The following SH3D21 variants were observed in gnomAD, a reference collection of about 807,000 sequenced individuals.
SH3D21 encodes the protein SH3 domain-containing protein 21.
SH3D21 carries 83 observed loss-of-function variants against 82.1 expected under a neutral mutation model. That is an observed-to-expected ratio of 1.01 (90% CI 0.85 to 1.21). SH3D21 has a LOEUF of 1.21. Ranked by LOEUF, SH3D21 falls within the 50% of genes most tolerant of loss-of-function variation. The pLI is 0.00. For synonymous variants in SH3D21, 383 were observed against 387.8 expected, an observed-to-expected ratio of 0.99 and a Z score of 0.15; for missense variants, 980 against 962.1, an observed-to-expected ratio of 1.02 and a Z score of -0.25.
In SH3D21 at chr1:36,321,329, G is replaced by A; in HGVS notation, c.*202G>A. ...CCTCCCAGGCACATCTGGCCAACAT[G>A]TGGCTCCCATTACCGTTCCCAAGGC... On this transcript the variant is annotated 3_prime_UTR_variant, in exon 16 of 16. Coordinates refer to ENST00000453908, the MANE Select transcript of SH3D21 (RefSeq NM_001162530.2). The surrounding 1 kb of genome is among the most constrained non-coding windows in gnomAD (Gnocchi z 6.1). The A allele has an allele frequency of 1.4e-6, 2 of 1,429,418 alleles. No homozygotes were observed. The highest frequency in any genetic ancestry group is 9.1e-7 in the Non-Finnish European group (1 of 1,096,050). The allele number at this position is 1,429,418 out of a possible 1,614,324, so 88.5% of individuals were successfully genotyped here. A position where few individuals can be genotyped will look rare whatever the true frequency, so the allele number is the denominator to read the frequency against.
chr1:36,321,354 C>G, downstream of SH3D21: 1 of 1,407,946 alleles, frequency 7.1e-7, no homozygotes, highest in Non-Finnish European at 9.2e-7. This position sits in a 1 kb window ranked among gnomAD's most constrained non-coding sequence, Gnocchi z 6.1. Flanking sequence ...GTTCCCAAGG[C>G]CTGCGCGCGG....
At chr1:36,318,898 A>AAATAAT (rs58567392) in intron 10 of SH3D21, among the ~76,000 whole-genome samples, 173 bp from the exon 11 acceptor site, 8,099 of 140,272 alleles carry the variant, frequency 0.058, 272 homozygotes, top group Middle Eastern at 0.13. Flanking sequence ...ACTCCATCTC[A>AAATAAT]AATAATAATA....
chr1:36,324,434 G>A (rs1014900648), downstream of SH3D21: 1 of 152,270 alleles, frequency 6.6e-6, no homozygotes, highest in Non-Finnish European at 1.5e-5. Context: ...TGTGTGGCGG[G>A]GGGCTTCCTT....
intron 10 of SH3D21, among the ~76,000 whole-genome samples, chr1:36,317,714 C>T (rs923344002): frequency 1.3e-5 from 2 of 152,152 alleles, no homozygotes. Context: ...CAGGCGCACG[C>T]CACCATGCCT....
Position 36,307,989 on chromosome 1 carries a change from C to T in SH3D21, c.538+26C>T, listed in dbSNP as rs2995229. 6.4e-3 allele frequency: 9,912 copies of T among 1,551,480 alleles called. 575 individuals carry two copies. The African/African-American group carries it at 0.12, about 19-fold the overall frequency. ...GTGAGCACCCATCCAAAGGGTCCCC[C>T]ACTCCCTCAGCCACTCCCAAGGTTG... is the stretch of plus-strand genomic sequence containing the variant. On this transcript the variant is annotated intron_variant, in intron 7 of 15. Coordinates refer to ENST00000453908, the MANE Select transcript of SH3D21 (RefSeq NM_001162530.2). The surrounding 1 kb of genome is among the most constrained non-coding windows in gnomAD (Gnocchi z 5.4).
At chr1:36,316,539 A>C (rs957579680) in intron 10 of SH3D21, among the ~76,000 whole-genome samples, 1 of 151,694 alleles carries the variant, frequency 6.6e-6, no homozygotes, top group African/African-American at 2.4e-5. Flanking sequence ...CTGGCCGAGA[A>C]TTTGCTTTTA....
chr1:36,315,039 CTGAGGCGGGCAGATTGCT>C (rs1646317269), intron 10 of SH3D21, among the ~76,000 whole-genome samples: 1 of 152,120 alleles, frequency 6.6e-6, no homozygotes, highest in Non-Finnish European at 1.5e-5. Flanking sequence ...CTTTGGGAGG[CTGAGGCGGGCAGATTGCT>C]TGAGGTCAGG....
intron 10 of SH3D21, among the ~76,000 whole-genome samples, chr1:36,311,060 C>G (rs1362997048): frequency 6.6e-6 from 1 of 151,860 alleles, no homozygotes; most frequent in Admixed American, 6.6e-5. Flanking sequence ...AGGCACCCAC[C>G]ACCATGCCCG....
At chr1:36,322,072 T>C (rs1050325148), downstream of SH3D21, 78 of 1,347,830 alleles carry the variant, frequency 5.8e-5, no homozygotes, top group Non-Finnish European at 7.1e-5. Context: ...ACTTCACCTC[T>C]TCATCGACCC....
Position 36,320,511 on chromosome 1 carries a change from GCTC to G in SH3D21, c.1850_1852del (p.Leu617del). On this transcript the variant is annotated inframe_deletion, in exon 14 of 16. Transcript: ENST00000453908. ...AGCAGAGGCCTCTGAGAGAGGAGGT[GCTC>G]CCCAAAGAGGGAGTGGCTTCCAAAG... is the stretch of plus-strand genomic sequence containing the variant. 3.7e-6 allele frequency: 6 copies of G among 1,614,168 alleles called. No individual in the cohort carries two copies. Among genetic ancestry groups the G allele is most frequent in the Non-Finnish European group, 5.1e-6 (6 of 1,180,026 alleles).
intron 10 of SH3D21, among the ~76,000 whole-genome samples, chr1:36,314,973 G>A (rs931804809): frequency 5.9e-5 from 9 of 152,016 alleles, no homozygotes; most frequent in Admixed American, 1.3e-4. Flanking sequence ...GGATGAAAAC[G>A]GCCCTAGGCA....
downstream of SH3D21, among the ~76,000 whole-genome samples, chr1:36,325,414 A>G (rs530912793): frequency 4.6e-5 from 7 of 152,248 alleles, no homozygotes; most frequent in Non-Finnish European, 1.0e-4. Context: ...GAGGATGTGT[A>G]TAGGTTAAAT....
Position 36,319,775 on chromosome 1 carries a change from C to A in SH3D21, c.1112C>A (p.Ala371Asp). Reference sequence around the variant, plus strand: ...GAGAGGCCCCCAGCTCCAGAGAACGCCCCCAGCTCCAAGAAGATCCCGGCT... The same window carrying A: ...GAGAGGCCCCCAGCTCCAGAGAACGACCCCAGCTCCAAGAAGATCCCGGCT... ...TPERPPAPEN[A>D]PSSKKIPAPD... Residue 371 changes from alanine to aspartate, a missense_variant, in exon 14 of 16, where the codon GCC becomes GAC. Transcript: ENST00000453908. The A allele has an allele frequency of 3.1e-6, 5 of 1,612,982 alleles. No individual in the cohort carries two copies. The highest frequency in any genetic ancestry group is 4.2e-6 in the Non-Finnish European group (5 of 1,179,534).
In SH3D21 at chr1:36,307,473, CTT is replaced by C. The variant is rs138016197; in HGVS notation, c.346-43_346-42del. ...AGGGTGGCAGATTATCCTAGGGACTCTTGGGGCAGAACCAGACGCCTCTGCGT... is the reference window on the plus strand; with the variant it reads ...AGGGTGGCAGATTATCCTAGGGACTCGGGGCAGAACCAGACGCCTCTGCGT... On this transcript the variant is annotated intron_variant, in intron 4 of 15. Coordinates refer to ENST00000453908, the MANE Select transcript of SH3D21 (RefSeq NM_001162530.2). This position sits in a 1 kb window ranked among gnomAD's most constrained non-coding sequence, Gnocchi z 5.4. 0.11 allele frequency: 165,283 copies of C among 1,545,590 alleles called. 9,891 individuals carry two copies. The highest frequency in any genetic ancestry group is 0.22 in the Middle Eastern group (1,286 of 5,942).
intron 10 of SH3D21, among the ~76,000 whole-genome samples, chr1:36,315,257 C>CAA (rs1329572564): frequency 1.3e-5 from 2 of 151,624 alleles, no homozygotes; most frequent in Non-Finnish European, 2.9e-5. Flanking sequence ...GCCTAGGTGA[C>CAA]AGAGCGAGAC....
chr1:36,321,149 G>A lies in SH3D21; in HGVS notation c.*22G>A. 1 of 1,606,202 alleles carries A rather than the reference G, an allele frequency of 6.2e-7. No homozygotes were observed. Among genetic ancestry groups the A allele is most frequent in the African/African-American group, 1.3e-5 (1 of 74,922 alleles). On this transcript the variant is annotated 3_prime_UTR_variant, in exon 16 of 16. Coordinates refer to ENST00000453908, the MANE Select transcript of SH3D21 (RefSeq NM_001162530.2). This position sits in a 1 kb window ranked among gnomAD's most constrained non-coding sequence, Gnocchi z 6.1. ...CTGAGGGTGGGCCTGGGAAGGGACC[G>A]CGGCCTGACCTGGCTGGGGCCACCC...
chr1:36,322,741 C>T (rs1431530624), downstream of SH3D21: 1 of 1,543,700 alleles, frequency 6.5e-7, no homozygotes, highest in Non-Finnish European at 8.7e-7. Flanking sequence ...GGGCACAGGG[C>T]GGGGGTCACG....
intron 9 of SH3D21, 64 bp from the exon 10 acceptor site, chr1:36,309,484 C>T (rs1238679424): frequency 1.3e-6 from 2 of 1,541,548 alleles, no homozygotes; most frequent in African/African-American, 2.7e-5. Context: ...CCACGCCTGG[C>T]CTGCATTTTG....
Position 36,320,273 on chromosome 1 carries a change from C to T in SH3D21, c.1610C>T (p.Pro537Leu). ...GAGGCCCACACGCCAGAGGCACCCC[C>T]ACCCCAGCCTCCTTCCTCAGAGAGG... is the stretch of plus-strand genomic sequence containing the variant. ...QEEAHTPEAP[P>L]PQPPSSERCL... is the part of the protein sequence containing the mutation. The change falls in exon 14 of 16, where the codon CCA becomes CTA. Residue 537 changes from proline to leucine, a missense_variant. Pro to Leu is a moderately conservative substitution (Grantham distance 98). Coordinates refer to ENST00000453908, the MANE Select transcript of SH3D21 (RefSeq NM_001162530.2). 1.2e-6 allele frequency: 2 copies of T among 1,612,786 alleles called. No homozygotes were observed. Among genetic ancestry groups the T allele is most frequent in the Non-Finnish European group, 1.7e-6 (2 of 1,179,824 alleles).
Sources: allele counts gnomAD v4.1 joint callset (sites outside exome capture counted in the v4.1 genomes callset), GRCh38; gene constraint gnomAD v4.1.1; non-coding constraint Gnocchi (gnomAD v3.1); transcripts MANE v1.5; gene names NCBI Gene and HGNC (gene_info 2026-07-23, HGNC 2026-07-21).